ADGRG5: variants seen among roughly 807,000 people sequenced by gnomAD.
ADGRG5 encodes the protein G protein-coupled receptor 114.
In ADGRG5, 37 loss-of-function variants were observed where a neutral mutation model predicts 53.2. The ratio of observed to expected loss-of-function variants is 0.70; its 90% CI spans 0.53 to 0.91. The LOEUF (loss-of-function observed/expected upper bound fraction) is 0.91, where lower values mean the gene tolerates loss of function less well. Ranked by LOEUF, ADGRG5 falls within the 40% of genes least tolerant of loss-of-function variation. ADGRG5 has a pLI of 0.00. For missense variants in ADGRG5, 614 were observed against 675.8 expected, an observed-to-expected ratio of 0.91 and a Z score of 1.01; for synonymous variants, 277 against 290.4, an observed-to-expected ratio of 0.95 and a Z score of 0.47.
chr16:57,566,554 A>C, intron 6 of ADGRG5, 45 bp from the exon 7 acceptor site: 1 of 1,393,804 alleles, frequency 7.2e-7, no homozygotes. Flanking sequence ...ACTGATCTGC[A>C]GCCTTTCCTC....
At chr16:57,540,195 A>G (rs1567610098), upstream of ADGRG5, among the ~76,000 whole-genome samples, 1 of 152,168 alleles carries the variant, frequency 6.6e-6, no homozygotes, top group African/African-American at 2.4e-5. Flanking sequence ...GTGAGCCGAG[A>G]TTGCGCCACT....
intron 1 of ADGRG5, among the ~76,000 whole-genome samples, chr16:57,549,078 T>G (rs1483547321): frequency 6.6e-6 from 1 of 152,232 alleles, no homozygotes; most frequent in Admixed American, 6.5e-5. Flanking sequence ...TTGATAGACA[T>G]TCACATAGCT....
chr16:57,556,908 C>CTTTTTTTTTTTTTTTTTTTTT lies in ADGRG5; in HGVS notation c.-38-5129_-38-5128insTTTTTTTTTTTTTTTTTTTTT, dbSNP rs35948606. On this transcript the variant is annotated intron_variant, in intron 1 of 11. Coordinates refer to ENST00000349457, the MANE Select transcript of ADGRG5 (RefSeq NM_001304376.3). ...GAAGAAGTTCTTATTTTGCCTTCTT[C>CTTTTTTTTTTTTTTTTTTTTT]TTTTTTTTTTTTTTTTTTTGAGACA... Among the ~76,000 whole-genome samples the CTTTTTTTTTTTTTTTTTTTTT allele has an allele frequency of 4.3e-5, 5 of 115,780 alleles. 1 individual carries two copies. The highest frequency in any genetic ancestry group is 1.8e-4 in the African/African-American group (5 of 27,410). The allele number at this position is 115,780 out of a possible 152,430, so 76.0% of individuals were successfully genotyped here.
At chr16:57,531,783 T>C in the ADGRG5 span, among the ~76,000 whole-genome samples, 3 of 152,180 alleles carry the variant, frequency 2.0e-5, no homozygotes, top group African/African-American at 7.2e-5. Flanking sequence ...CAGCACCCTC[T>C]GTGCCCTAGG....
rs1411558496 is a variant in ADGRG5, at chr16:57,575,654, G to A, written c.*116G>A. 7.4e-5 allele frequency: 55 copies of A among 747,536 alleles called. No individual in the cohort carries two copies. Among genetic ancestry groups the A allele is most frequent in the Middle Eastern group, 7.2e-4 (3 of 4,172 alleles). The allele number at this position is 747,536 out of a possible 1,614,324, so 46.3% of individuals were successfully genotyped here. On this transcript the variant is annotated 3_prime_UTR_variant, in exon 12 of 12. Transcript: ENST00000349457. Reference sequence around the variant, plus strand: ...CTGGACCCCAGAGGCCACTGTGACCGCCAAGGGGCCTTTTCCACTTCCACG... The same window carrying A: ...CTGGACCCCAGAGGCCACTGTGACCACCAAGGGGCCTTTTCCACTTCCACG...
the ADGRG5 span, among the ~76,000 whole-genome samples, chr16:57,535,172 C>G: frequency 6.6e-6 from 1 of 152,208 alleles, no homozygotes; most frequent in Non-Finnish European, 1.5e-5. Context: ...GGCTGGTCAG[C>G]CCACAGACTG....
chr16:57,567,432 C>G (rs757540950), intron 7 of ADGRG5, 38 bp from the exon 8 acceptor site: 15 of 1,600,176 alleles, frequency 9.4e-6, no homozygotes, highest in South Asian at 1.1e-5. Context: ...AAGGGCGATA[C>G]TATGCTTCTG....
At chr16:57,570,729 C>G (rs1436000243) in intron 10 of ADGRG5, among the ~76,000 whole-genome samples, 194 bp downstream of exon 10, 1 of 152,240 alleles carries the variant, frequency 6.6e-6, no homozygotes, top group Non-Finnish European at 1.5e-5. Context: ...GCAGAGGCAG[C>G]CTTGTGTTCT....
intron 1 of ADGRG5, among the ~76,000 whole-genome samples, chr16:57,549,737 G>A (rs1244320362): frequency 6.6e-6 from 1 of 151,994 alleles, no homozygotes; most frequent in Non-Finnish European, 1.5e-5. Flanking sequence ...CCTACTCCCT[G>A]GCAACTACTG....
chr16:57,531,357 C>G, the ADGRG5 span, among the ~76,000 whole-genome samples: 1 of 151,996 alleles, frequency 6.6e-6, no homozygotes, highest in African/African-American at 2.4e-5. Context: ...TTTCCTCCCC[C>G]ACCCACCGCC....
In ADGRG5 at chr16:57,576,779, G is replaced by C. The variant is rs2033528449; in HGVS notation, c.*1241G>C. The C allele has an allele frequency of 1.3e-5, 2 of 152,218 alleles. No individual in the cohort carries two copies. The highest frequency in any genetic ancestry group is 2.9e-5 in the Non-Finnish European group (2 of 68,044). 9.4% of individuals were successfully genotyped at this position (152,218 alleles called of 1,614,324 possible). A position where few individuals can be genotyped will look rare whatever the true frequency, so the allele number is the denominator to read the frequency against. Reference sequence around the variant, plus strand: ...CGGTGCACTTTCGCTCTTGGGGGCTGCACCCCAGACATAGCTGGCACCAGA... The same window carrying C: ...CGGTGCACTTTCGCTCTTGGGGGCTCCACCCCAGACATAGCTGGCACCAGA... On this transcript the variant is annotated 3_prime_UTR_variant, in exon 12 of 12. Transcript: ENST00000349457.
rs1422718259 is a variant in ADGRG5, at chr16:57,575,869, G to C, written c.*331G>C. 3.1e-5 allele frequency: 9 copies of C among 287,576 alleles called. No homozygotes were observed. The highest frequency in any genetic ancestry group is 6.1e-5 in the Non-Finnish European group (9 of 146,450). 17.8% of individuals were successfully genotyped at this position (287,576 alleles called of 1,614,324 possible). A position where few individuals can be genotyped will look rare whatever the true frequency, so the allele number is the denominator to read the frequency against. On this transcript the variant is annotated 3_prime_UTR_variant, in exon 12 of 12. Coordinates refer to ENST00000349457, the MANE Select transcript of ADGRG5 (RefSeq NM_001304376.3). ...TCAAGGACTGTCTTTGAGTCTGTCT[G>C]TATGACCTTGGGCCTGCCACTTCTC...
intron 1 of ADGRG5, among the ~76,000 whole-genome samples, chr16:57,547,687 C>T (rs537927101): frequency 4.9e-4 from 74 of 152,100 alleles, no homozygotes; most frequent in African/African-American, 1.7e-3. Context: ...CCTTGTGATC[C>T]GCGCCTGCCT....
intron 5 of ADGRG5, 52 bp from the exon 6 acceptor site, chr16:57,564,982 C>A: frequency 9.3e-7 from 1 of 1,073,786 alleles, no homozygotes; most frequent in South Asian, 1.3e-5. Context: ...AGACCTTACC[C>A]AGGGCCTCCC....
chr16:57,545,452 T>C (rs574712920), intron 1 of ADGRG5, among the ~76,000 whole-genome samples: 4 of 152,292 alleles, frequency 2.6e-5, no homozygotes, highest in African/African-American at 9.6e-5. Context: ...TTTGGGAGGC[T>C]GAGGTGGGAG....
chr16:57,566,940 C>T (rs774560293), intron 7 of ADGRG5, among the ~76,000 whole-genome samples, 189 bp downstream of exon 7: 5 of 152,226 alleles, frequency 3.3e-5, no homozygotes, highest in Non-Finnish European at 5.9e-5. Context: ...GCTTGATCCA[C>T]GGGCTGATCA....
intron 1 of ADGRG5, among the ~76,000 whole-genome samples, chr16:57,549,903 T>C (rs79362143): frequency 0.031 from 4,662 of 152,286 alleles, 205 homozygotes; most frequent in African/African-American, 0.092. Flanking sequence ...TGTAGTGATA[T>C]CTGATTGTGG....
Position 57,563,339 on chromosome 16 carries a change from G to C in ADGRG5, c.297+92G>C, listed in dbSNP as rs553903203. 11 of 1,137,980 alleles carry C rather than the reference G, an allele frequency of 9.7e-6. No individual in the cohort carries two copies. In the African/African-American group the frequency reaches 1.4e-4, roughly 14 times the overall value. 70.5% of individuals were successfully genotyped at this position (1,137,980 alleles called of 1,614,324 possible). A position where few individuals can be genotyped will look rare whatever the true frequency, so the allele number is the denominator to read the frequency against. On this transcript the variant is annotated intron_variant, in intron 4 of 11. Coordinates refer to ENST00000349457, the MANE Select transcript of ADGRG5 (RefSeq NM_001304376.3). ...GTCTGGACTTTCTTTAGGCTCCACT[G>C]TCTTCCTCCCCACACCCCACAGTCC... is the stretch of plus-strand genomic sequence containing the variant.
At chr16:57,568,320 C>T (rs765791430) in intron 9 of ADGRG5, among the ~76,000 whole-genome samples, 196 bp downstream of exon 9, 6 of 152,110 alleles carry the variant, frequency 3.9e-5, no homozygotes, top group Admixed American at 6.5e-5. Flanking sequence ...TCATCATCAT[C>T]GTCACCTCCT....
Sources: gnomAD v4.1 joint callset for allele counts (sites outside exome capture counted in the v4.1 genomes callset) on GRCh38, gnomAD v4.1.1 for gene constraint, MANE v1.5 for transcripts, NCBI Gene and HGNC (gene_info 2026-07-23, HGNC 2026-07-21) for gene names.